The following COL21A1 variants were observed in gnomAD, a reference collection of about 807,000 sequenced individuals.
COL21A1 encodes the protein collagen type XXI alpha 1 chain, also known as collagen alpha-1(XXI) chain.
Under a neutral mutation model 137.9 loss-of-function variants are expected in COL21A1, and 149 were observed. That is an observed-to-expected ratio of 1.08 (90% confidence interval 0.95 to 1.24). COL21A1 has a LOEUF of 1.24. Among genes scored for constraint, COL21A1 ranks in the 50% most tolerant of loss-of-function variants. The probability of loss-of-function intolerance (pLI) is 0.00; values close to 1 mark genes in which losing one functional copy is unlikely to be tolerated. For missense variants in COL21A1, 1,167 were observed against 1,158.4 expected (o/e 1.01, Z -0.11); for synonymous variants, 456 against 391.5 (o/e 1.16, Z -1.95).
At chr6:56,171,414 C>CA (rs1222321091) in intron 3 of COL21A1, among the ~76,000 whole-genome samples, 2 of 151,468 alleles carry the variant, frequency 1.3e-5, no homozygotes, top group Non-Finnish European at 3.0e-5. Flanking sequence ...TTGTCTTTAG[C>CA]AAAAAATTGA....
intron 1 of COL21A1, among the ~76,000 whole-genome samples, chr6:56,333,518 A>G (rs1394936225): frequency 6.6e-6 from 1 of 152,066 alleles, no homozygotes; most frequent in Admixed American, 6.6e-5. Context: ...TATCACAATC[A>G]TTTTATTCAT....
chr6:56,230,732 A>C (rs1420328807), intron 1 of COL21A1, among the ~76,000 whole-genome samples: 4 of 151,890 alleles, frequency 2.6e-5, no homozygotes, highest in African/African-American at 9.7e-5. Flanking sequence ...CACAATTTTA[A>C]ATGTTTTATT....
chr6:56,252,313 G>A (rs556242568), upstream of COL21A1, among the ~76,000 whole-genome samples: 72 of 152,236 alleles, frequency 4.7e-4, no homozygotes, highest in African/African-American at 1.7e-3. Flanking sequence ...AGTCTTTTCT[G>A]CCTTCTATCT....
intron 3 of COL21A1, among the ~76,000 whole-genome samples, chr6:56,172,041 T>C (rs1382035642): frequency 6.9e-6 from 1 of 144,144 alleles, no homozygotes; most frequent in East Asian, 2.0e-4. Context: ...CCATCAAGCA[T>C]ACCAATATAT....
intron 18 of COL21A1, among the ~76,000 whole-genome samples, chr6:56,076,478 A>T (rs1350702724): frequency 6.8e-6 from 1 of 146,874 alleles, no homozygotes; most frequent in Non-Finnish European, 1.5e-5. Flanking sequence ...TTTTAAATTA[A>T]AAAAACAGAA....
chr6:56,231,713 G>A (rs1462675039), intron 1 of COL21A1, among the ~76,000 whole-genome samples: 2 of 151,696 alleles, frequency 1.3e-5, no homozygotes, highest in African/African-American at 4.8e-5. Flanking sequence ...GGATCCACTA[G>A]ATCTAATATG....
At chr6:56,214,025 T>G (rs1780340328) in intron 1 of COL21A1, among the ~76,000 whole-genome samples, 1 of 152,150 alleles carries the variant, frequency 6.6e-6, no homozygotes, top group East Asian at 1.9e-4. Context: ...CTATAGCCAT[T>G]GTCTATCTCC....
chr6:56,114,083 C>G (rs981930359), intron 16 of COL21A1, among the ~76,000 whole-genome samples: 2 of 152,376 alleles, frequency 1.3e-5, no homozygotes, highest in Non-Finnish European at 2.9e-5. Flanking sequence ...GCTTTTGACT[C>G]TAGTCCCTAA....
intron 24 of COL21A1, among the ~76,000 whole-genome samples, chr6:56,062,555 G>A (rs1008697330): frequency 1.3e-5 from 2 of 152,078 alleles, no homozygotes; most frequent in African/African-American, 4.8e-5. Flanking sequence ...TCAGTGTTCT[G>A]CAATTTAATA....
Position 56,067,302 on chromosome 6 carries a change from C to A in COL21A1, c.2120G>T (p.Gly707Val). ...AAAAAGCAAACAACATACCTGAATA[C>A]CTTTTTCACCTTGATTTCCTTTGTC... Reference protein sequence around the residue: ...KGDKGNQGEKGIQGQKGENGR... With the variant: ...KGDKGNQGEKVIQGQKGENGR... Residue 707 changes from glycine (G) to valine (V), a missense_variant, in exon 23 of 30, where the codon GGT becomes GTT. Gly to Val is a moderately radical substitution (Grantham distance 109). Transcript: ENST00000244728. 6.2e-7 allele frequency: 1 copy of A among 1,608,712 alleles called. No homozygotes were observed. Among genetic ancestry groups the A allele is most frequent in the Non-Finnish European group, 8.5e-7 (1 of 1,176,616 alleles).
upstream of COL21A1, among the ~76,000 whole-genome samples, chr6:56,250,410 A>C (rs1219325122): frequency 6.6e-6 from 1 of 152,218 alleles, no homozygotes; most frequent in East Asian, 1.9e-4. Flanking sequence ...GCTATCATCC[A>C]TGTAATGAAC....
At chr6:56,232,440 G>C (rs534904134) in intron 1 of COL21A1, among the ~76,000 whole-genome samples, 5 of 151,896 alleles carry the variant, frequency 3.3e-5, no homozygotes, top group African/African-American at 1.2e-4. Flanking sequence ...TCTCTAAAAG[G>C]GGTTATGTTG....
At chr6:56,125,543 C>G (rs1772981351) in intron 14 of COL21A1, 24 bp downstream of exon 14, 1 of 1,550,516 alleles carries the variant, frequency 6.4e-7, no homozygotes, top group African/African-American at 1.4e-5. Flanking sequence ...AATATGAATA[C>G]TTTGTTGTGT....
At chr6:56,142,598 T>C (rs1774498627) in intron 10 of COL21A1, among the ~76,000 whole-genome samples, 2 of 152,178 alleles carry the variant, frequency 1.3e-5, no homozygotes, top group Admixed American at 1.3e-4. Flanking sequence ...ACTGGAACTT[T>C]GATAAAATAG....
chr6:56,074,488 C>T (rs914395641), intron 19 of COL21A1, among the ~76,000 whole-genome samples: 2 of 151,454 alleles, frequency 1.3e-5, no homozygotes, highest in African/African-American at 4.8e-5. Flanking sequence ...TGCAAGATAG[C>T]ATGAAGGCTA....
At chr6:56,152,196 T>C (rs1013160512) in intron 10 of COL21A1, among the ~76,000 whole-genome samples, 1 of 152,184 alleles carries the variant, frequency 6.6e-6, no homozygotes, top group African/African-American at 2.4e-5. Context: ...TTCTAGAGGC[T>C]GCCATTGTTC....
At chr6:56,370,448 T>A (rs535566262) in intron 1 of COL21A1, among the ~76,000 whole-genome samples, 1 of 152,352 alleles carries the variant, frequency 6.6e-6, no homozygotes, top group African/African-American at 2.4e-5. Context: ...GGTGTTAACA[T>A]GCAGTTTAAA....
At chr6:56,295,693 A>C (rs930694156) in intron 1 of COL21A1, among the ~76,000 whole-genome samples, 4 of 151,766 alleles carry the variant, frequency 2.6e-5, no homozygotes, top group African/African-American at 9.7e-5. Flanking sequence ...TTCTTTTTGG[A>C]GCTAATCTGA....
intron 9 of COL21A1, among the ~76,000 whole-genome samples, chr6:56,160,171 C>T (rs980729315): frequency 1.3e-5 from 2 of 152,178 alleles, no homozygotes; most frequent in Admixed American, 6.5e-5. Context: ...ATTTAGCTGA[C>T]TGGAGAGAAA....
Sources: gnomAD v4.1 joint callset for allele counts (sites outside exome capture counted in the v4.1 genomes callset) on GRCh38, gnomAD v4.1.1 for gene constraint, MANE v1.5 for transcripts, NCBI Gene and HGNC (gene_info 2026-07-23, HGNC 2026-07-21) for gene names.